CCDC192: variants seen among roughly 807,000 people sequenced by gnomAD.
The protein encoded by CCDC192 is coiled-coil domain containing 192.
chr5:127,890,092 G>C lies in CCDC192; in HGVS notation c.535+14431G>C, dbSNP rs1752690820. 2.0e-5 allele frequency among the ~76,000 whole-genome samples: 3 copies of C among 152,188 alleles called. No individual in the cohort carries two copies. In the South Asian group the frequency reaches 6.2e-4, roughly 32 times the overall value. On this transcript the variant is annotated intron_variant, in intron 6 of 6. Transcript: ENST00000514853. ...GATCTCACAGATGCGAAGATCTCTTGTCCATGTATGGTGGCTCACACTTGT... is the reference window on the plus strand; with the variant it reads ...GATCTCACAGATGCGAAGATCTCTTCTCCATGTATGGTGGCTCACACTTGT...
intron 6 of CCDC192, among the ~76,000 whole-genome samples, chr5:127,877,642 C>T (rs1406144437): frequency 6.7e-6 from 1 of 148,356 alleles, no homozygotes; most frequent in Non-Finnish European, 1.5e-5. Context: ...CCATTGTTGT[C>T]CCAGAATAAT....
intron 5 of CCDC192, among the ~76,000 whole-genome samples, chr5:127,848,752 A>G (rs1241260901): frequency 6.6e-6 from 1 of 152,238 alleles, no homozygotes; most frequent in African/African-American, 2.4e-5. Context: ...GAAAGTACTG[A>G]ATAAGAATTA....
At chr5:127,785,259 A>G (rs997629875) in intron 3 of CCDC192, 1 of 508,002 alleles carries the variant, frequency 2.0e-6, no homozygotes, top group East Asian at 5.4e-5. Flanking sequence ...GCCGATAACT[A>G]CATTCCAACC....
At chr5:127,933,182 G>A (rs1238677766) in intron 6 of CCDC192, among the ~76,000 whole-genome samples, 1 of 152,184 alleles carries the variant, frequency 6.6e-6, no homozygotes, top group Non-Finnish European at 1.5e-5. Context: ...AAGTAAAGAG[G>A]TCCCAGATCA....
intron 5 of CCDC192, among the ~76,000 whole-genome samples, chr5:127,867,139 C>T (rs1367699856): frequency 6.6e-6 from 1 of 152,110 alleles, no homozygotes; most frequent in South Asian, 2.1e-4. Flanking sequence ...CCTTACTACA[C>T]CAAAAACTCT....
chr5:127,761,626 T>C (rs1754934169), intron 3 of CCDC192, among the ~76,000 whole-genome samples: 1 of 152,182 alleles, frequency 6.6e-6, no homozygotes, highest in Non-Finnish European at 1.5e-5. Flanking sequence ...AAATTATTGC[T>C]CTAGGTTAGA....
At chr5:127,765,747 T>C (rs1171774437) in intron 3 of CCDC192, among the ~76,000 whole-genome samples, 1 of 152,212 alleles carries the variant, frequency 6.6e-6, no homozygotes, top group African/African-American at 2.4e-5. Context: ...GGGAGCCTCA[T>C]CAGTGGCTGG....
intron 6 of CCDC192, among the ~76,000 whole-genome samples, chr5:127,889,408 T>TTTC (rs1491294457): frequency 4.8e-4 from 8 of 16,626 alleles, no homozygotes; most frequent in Non-Finnish European, 1.2e-3. Context: ...TCTTTCTTTC[T>TTTC]TTTTTTTTTT....
intron 6 of CCDC192, among the ~76,000 whole-genome samples, chr5:127,902,382 G>A (rs1412923434): frequency 1.3e-5 from 2 of 150,556 alleles, no homozygotes; most frequent in East Asian, 3.9e-4. Context: ...CTTGAATCTG[G>A]GTCCTGACAT....
chr5:127,901,614 G>A (rs992571175), intron 6 of CCDC192, among the ~76,000 whole-genome samples: 1 of 152,070 alleles, frequency 6.6e-6, no homozygotes. Flanking sequence ...TTTTGTACTC[G>A]CTTCAGGGAA....
intron 6 of CCDC192, among the ~76,000 whole-genome samples, chr5:127,885,776 T>C (rs749744228): frequency 9.8e-5 from 15 of 152,298 alleles, no homozygotes; most frequent in Non-Finnish European, 2.2e-4. Context: ...GATAATGTTA[T>C]ATGTATCTAA....
chr5:127,798,615 G>T (rs902835059), intron 5 of CCDC192, among the ~76,000 whole-genome samples: 2 of 152,032 alleles, frequency 1.3e-5, no homozygotes, highest in Non-Finnish European at 2.9e-5. Flanking sequence ...CTAGGTTGGG[G>T]CCTGGGAATT....
At chr5:127,883,567 A>G (rs1460248163) in intron 6 of CCDC192, among the ~76,000 whole-genome samples, 3 of 152,350 alleles carry the variant, frequency 2.0e-5, no homozygotes, top group Admixed American at 6.5e-5. Context: ...AAATAGAGCC[A>G]CTATATCCCT....
At chr5:127,864,943 T>C (rs887638412) in intron 5 of CCDC192, among the ~76,000 whole-genome samples, 10 of 152,172 alleles carry the variant, frequency 6.6e-5, no homozygotes, top group East Asian at 1.9e-4. Context: ...GTCAGGAGAT[T>C]GAGGCCATCC....
chr5:127,773,207 A>G (rs1010817578), intron 3 of CCDC192, among the ~76,000 whole-genome samples: 1 of 152,244 alleles, frequency 6.6e-6, no homozygotes, highest in African/African-American at 2.4e-5. Context: ...TTCTGGTAAC[A>G]TTCAATGAGT....
At chr5:127,776,804 C>G (rs1755891054) in intron 3 of CCDC192, among the ~76,000 whole-genome samples, 1 of 152,206 alleles carries the variant, frequency 6.6e-6, no homozygotes, top group Admixed American at 6.5e-5. Flanking sequence ...TCAGAGGGTG[C>G]AAGCTCCAAG....
intron 5 of CCDC192, among the ~76,000 whole-genome samples, chr5:127,806,055 T>A (rs2126988944): frequency 6.6e-6 from 1 of 152,300 alleles, no homozygotes; most frequent in East Asian, 1.9e-4. Flanking sequence ...CACTAACAGA[T>A]CCTGCCCAGT....
chr5:127,825,583 C>T (rs577421697), intron 5 of CCDC192, among the ~76,000 whole-genome samples: 1 of 152,344 alleles, frequency 6.6e-6, no homozygotes, highest in African/African-American at 2.4e-5. Flanking sequence ...CCAGAAAGGT[C>T]CACACCCCTA....
At chr5:127,754,498 C>T (rs924252605) in intron 3 of CCDC192, 123 bp downstream of exon 3, 15 of 349,830 alleles carry the variant, frequency 4.3e-5, no homozygotes, top group Non-Finnish European at 6.0e-5. Context: ...CACACATACA[C>T]ACACACACAC....
Sources: allele counts gnomAD v4.1 joint callset (sites outside exome capture counted in the v4.1 genomes callset), GRCh38; gene constraint gnomAD v4.1.1; transcripts MANE v1.5; gene names NCBI Gene and HGNC (gene_info 2026-07-23, HGNC 2026-07-21).